TENT2: variants seen among roughly 807,000 people sequenced by gnomAD.
The protein encoded by TENT2 is terminal nucleotidyltransferase 2, also known as poly(A) RNA polymerase GLD2.
A neutral mutation model predicts 72.2 loss-of-function variants in TENT2; 44 were observed. That is an observed-to-expected ratio of 0.61 (90% CI 0.48 to 0.78). The LOEUF (loss-of-function observed/expected upper bound fraction) is 0.78, where lower values mean the gene tolerates loss of function less well. Ranked by LOEUF, TENT2 falls within the 30% of genes least tolerant of loss-of-function variation. TENT2 has a pLI of 0.00. For missense variants in TENT2, 541 were observed against 569.6 expected, an observed-to-expected ratio of 0.95 and a Z score of 0.51; for synonymous variants, 212 against 192.5, an observed-to-expected ratio of 1.10 and a Z score of -0.84.
intron 11 of TENT2, among the ~76,000 whole-genome samples, chr5:79,666,967 G>C (rs1808648384): frequency 1.3e-5 from 2 of 152,104 alleles, no homozygotes; most frequent in African/African-American, 4.8e-5. Context: ...TTCTGCTTCA[G>C]TTCTCCCTCA....
chr5:79,634,035 G>T (rs1777994658), intron 4 of TENT2, among the ~76,000 whole-genome samples: 1 of 150,228 alleles, frequency 6.7e-6, no homozygotes, highest in South Asian at 2.1e-4. Context: ...TGGACCTGGT[G>T]GCGGACGCCT....
rs780995907 is a variant in TENT2, at chr5:79,686,749, G to A, written c.*1476G>A. 17 of 152,012 alleles carry A rather than the reference G, an allele frequency of 1.1e-4. No individual in the cohort carries two copies. Among genetic ancestry groups the A allele is most frequent in the Non-Finnish European group, 1.5e-4 (10 of 67,998 alleles). 9.4% of individuals were successfully genotyped at this position (152,012 alleles called of 1,614,324 possible). A position where few individuals can be genotyped will look rare whatever the true frequency, so the allele number is the denominator to read the frequency against. Reference sequence around the variant, plus strand: ...TAAATCTACTTATTAGCCAGCTAACGACATCAATATCTTATGTCTCTGGCA... The same window carrying A: ...TAAATCTACTTATTAGCCAGCTAACAACATCAATATCTTATGTCTCTGGCA... On this transcript the variant is annotated 3_prime_UTR_variant, in exon 15 of 15. Transcript: ENST00000453514.
chr5:79,627,055 G>A (rs994303246), intron 4 of TENT2, among the ~76,000 whole-genome samples: 3 of 151,790 alleles, frequency 2.0e-5, no homozygotes, highest in Non-Finnish European at 2.9e-5. Flanking sequence ...ACTTGAACCC[G>A]GGAGGCGGAG....
At chr5:79,667,555 C>T (rs78075043) in intron 11 of TENT2, among the ~76,000 whole-genome samples, 9 of 152,050 alleles carry the variant, frequency 5.9e-5, no homozygotes, top group Non-Finnish European at 1.3e-4. Flanking sequence ...GTAATTAATA[C>T]TACAGCTGTT....
intron 10 of TENT2, 142 bp downstream of exon 10, chr5:79,649,332 C>A: frequency 2.7e-6 from 2 of 733,064 alleles, no homozygotes; most frequent in Non-Finnish European, 2.0e-6. Context: ...TGTTTTGTTG[C>A]TTTGGACAAA....
At chr5:79,618,227 T>C (rs1761960603) in intron 1 of TENT2, among the ~76,000 whole-genome samples, 1 of 152,182 alleles carries the variant, frequency 6.6e-6, no homozygotes, top group African/African-American at 2.4e-5. Context: ...TCCCAGAGCC[T>C]GTTTATTTTA....
intron 12 of TENT2, among the ~76,000 whole-genome samples, chr5:79,670,556 C>T (rs964293137): frequency 6.6e-6 from 1 of 151,900 alleles, no homozygotes; most frequent in Admixed American, 6.6e-5. Flanking sequence ...AACTCTTGAC[C>T]TAGTGATCTG....
intron 10 of TENT2, among the ~76,000 whole-genome samples, chr5:79,655,320 A>G (rs1022789492): frequency 1.3e-5 from 2 of 152,118 alleles, no homozygotes; most frequent in Non-Finnish European, 2.9e-5. Flanking sequence ...ACTGAGTTCT[A>G]AAAGCTTTTT....
At chr5:79,666,660 T>C (rs1387073459) in intron 11 of TENT2, among the ~76,000 whole-genome samples, 1 of 119,376 alleles carries the variant, frequency 8.4e-6, no homozygotes, top group African/African-American at 4.1e-5. Flanking sequence ...ATGAAATTAA[T>C]GTGTTTTATT....
At chr5:79,639,548 T>G (rs1782806516) in intron 4 of TENT2, among the ~76,000 whole-genome samples, 1 of 151,614 alleles carries the variant, frequency 6.6e-6, no homozygotes, top group African/African-American at 2.4e-5. Context: ...AAGGAGATAA[T>G]GTTGTTGAGG....
chr5:79,684,325 C>T (rs1207976376), intron 14 of TENT2, among the ~76,000 whole-genome samples: 1 of 152,050 alleles, frequency 6.6e-6, no homozygotes, highest in African/African-American at 2.4e-5. Context: ...GCTCTGTTAC[C>T]CAGACTCAGG....
chr5:79,616,269 G>C (rs896584104), intron 1 of TENT2, among the ~76,000 whole-genome samples: 2 of 143,730 alleles, frequency 1.4e-5, no homozygotes, highest in Non-Finnish European at 1.5e-5. Context: ...CGCGATCTTG[G>C]CTCACTGCAA....
intron 12 of TENT2, among the ~76,000 whole-genome samples, chr5:79,678,191 A>G (rs1335921332): frequency 2.0e-5 from 3 of 152,202 alleles, no homozygotes; most frequent in African/African-American, 7.2e-5. Flanking sequence ...ACAAAAATAA[A>G]TTATACTTTC....
chr5:79,640,453 C>A (rs538236089), intron 4 of TENT2, among the ~76,000 whole-genome samples: 5 of 152,136 alleles, frequency 3.3e-5, no homozygotes, highest in Non-Finnish European at 7.4e-5. Context: ...GTAAATACTT[C>A]AGGCTTTGCC....
Position 79,681,466 on chromosome 5 carries a change from C to G in TENT2, c.1301-516C>G, listed in dbSNP as rs570003312. On this transcript the variant is annotated intron_variant, in intron 13 of 14. Coordinates refer to ENST00000453514, the MANE Select transcript of TENT2 (RefSeq NM_001114394.3). The stretch of plus-strand genomic sequence containing the variant: ...AGCCACTGTGTCTGGCCAGACTTCA[C>G]TGTATCTTTTTCTAAACCATCCACT... Among the ~76,000 whole-genome samples, 26 of 152,026 alleles carry G rather than the reference C, an allele frequency of 1.7e-4. No individual in the cohort carries two copies. The South Asian group carries it at 2.1e-3, about 12-fold the overall frequency.
At chr5:79,647,566 A>G (rs1472310612) in intron 8 of TENT2, among the ~76,000 whole-genome samples, 4 of 152,214 alleles carry the variant, frequency 2.6e-5, no homozygotes, top group African/African-American at 4.8e-5. Flanking sequence ...ATTAATATGC[A>G]TGGATAATGG....
chr5:79,617,828 G>A (rs1429537015), intron 1 of TENT2, among the ~76,000 whole-genome samples: 1 of 152,078 alleles, frequency 6.6e-6, no homozygotes, highest in African/African-American at 2.4e-5. Context: ...ATTTCTTGCC[G>A]TTTGTTTATA....
intron 4 of TENT2, among the ~76,000 whole-genome samples, chr5:79,628,211 G>C (rs2150114644): frequency 6.6e-6 from 1 of 152,326 alleles, no homozygotes; most frequent in South Asian, 2.1e-4. Flanking sequence ...CAGTTTGTTT[G>C]GTTTACCTCT....
At chr5:79,672,455 C>G (rs1467757541) in intron 12 of TENT2, among the ~76,000 whole-genome samples, 1 of 152,198 alleles carries the variant, frequency 6.6e-6, no homozygotes, top group Non-Finnish European at 1.5e-5. Flanking sequence ...TTCCGCCTCT[C>G]CCTGCCACTG....
Sources: allele counts gnomAD v4.1 joint callset (sites outside exome capture counted in the v4.1 genomes callset), GRCh38; gene constraint gnomAD v4.1.1; transcripts MANE v1.5; gene names NCBI Gene and HGNC (gene_info 2026-07-23, HGNC 2026-07-21).